The following TNFRSF8 variants were observed in gnomAD, a reference collection of about 807,000 sequenced individuals.
TNFRSF8 encodes the protein TNF receptor superfamily member 8, also known as tumor necrosis factor receptor superfamily member 8.
A neutral mutation model predicts 70.8 loss-of-function variants in TNFRSF8; 26 were observed. The ratio of observed to expected loss-of-function variants is 0.37; its 90% CI spans 0.27 to 0.51. The LOEUF is 0.51. Among genes scored for constraint, TNFRSF8 ranks in the 20% least tolerant of loss-of-function variants. TNFRSF8 has a pLI of 0.94. For synonymous variants in TNFRSF8, 356 were observed against 339.2 expected, an observed-to-expected ratio of 1.05 and a Z score of -0.54; for missense variants, 720 against 807.9, an observed-to-expected ratio of 0.89 and a Z score of 1.32.
At chr1:12,071,855 G>A (rs1474758585) in intron 1 of TNFRSF8, among the ~76,000 whole-genome samples, 2 of 151,908 alleles carry the variant, frequency 1.3e-5, no homozygotes, top group Non-Finnish European at 2.9e-5. Flanking sequence ...GTGCCACCAT[G>A]CCAGCTAATT....
intron 1 of TNFRSF8, among the ~76,000 whole-genome samples, chr1:12,079,955 T>A (rs1641034694): frequency 6.6e-6 from 1 of 151,282 alleles, no homozygotes; most frequent in East Asian, 1.9e-4. Context: ...CTCTATTTTT[T>A]TTTTTTTTTT....
intron 12 of TNFRSF8, among the ~76,000 whole-genome samples, chr1:12,134,643 G>C (rs1429327461): frequency 6.6e-6 from 1 of 152,186 alleles, no homozygotes; most frequent in African/African-American, 2.4e-5. Context: ...TGTCCTCCTC[G>C]AAGGCTGCCA....
At chr1:12,125,428 C>T (rs571876508) in intron 10 of TNFRSF8, among the ~76,000 whole-genome samples, 10 of 152,280 alleles carry the variant, frequency 6.6e-5, no homozygotes, top group South Asian at 6.2e-4. Context: ...AAGGTAGTGA[C>T]GGTGCCTAGG....
At chr1:12,093,851 C>T (rs1641285792) in intron 2 of TNFRSF8, among the ~76,000 whole-genome samples, 1 of 151,826 alleles carries the variant, frequency 6.6e-6, no homozygotes, top group South Asian at 2.1e-4. Context: ...CGGGACGGAT[C>T]ATGAGGTCAG....
At position 12,084,516 on chromosome 1, in the gene TNFRSF8, A is replaced by G. The variant is rs773056107; in HGVS notation, c.116A>G (p.Lys39Arg). ...GGAAACCCCAGCCACTACTATGACA[A>G]GGCTGTCAGGAGGTGCTGTTACCGC... ...CHGNPSHYYD[K>R]AVRRCCYRCP... Residue 39 changes from lysine to arginine, a missense_variant, in exon 2 of 15, where the codon AAG (lysine) becomes AGG (arginine). Transcript: ENST00000263932. 2 of 1,612,620 alleles carry G rather than the reference A, an allele frequency of 1.2e-6. No individual in the cohort carries two copies.
intron 2 of TNFRSF8, among the ~76,000 whole-genome samples, chr1:12,094,023 C>T (rs1241860290): frequency 2.1e-5 from 3 of 144,904 alleles, no homozygotes; most frequent in Non-Finnish European, 4.5e-5. Context: ...CCTGCCACTG[C>T]ACTCCAGCCT....
At chr1:12,132,503 T>C (rs980858922) in intron 12 of TNFRSF8, among the ~76,000 whole-genome samples, 3 of 152,158 alleles carry the variant, frequency 2.0e-5, no homozygotes, top group Admixed American at 6.5e-5. Flanking sequence ...GAGTTATGCA[T>C]TGGGGGAAGA....
chr1:12,071,411 C>T (rs1460269013), intron 1 of TNFRSF8, among the ~76,000 whole-genome samples: 1 of 152,152 alleles, frequency 6.6e-6, no homozygotes, highest in Non-Finnish European at 1.5e-5. Flanking sequence ...TGCACTCCAG[C>T]CTGGGTGACA....
At chr1:12,092,649 A>T (rs866115289) in intron 2 of TNFRSF8, among the ~76,000 whole-genome samples, 1 of 151,064 alleles carries the variant, frequency 6.6e-6, no homozygotes, top group Non-Finnish European at 1.5e-5. Context: ...CTGGGACTAC[A>T]GGCGCCCGCC....
At chr1:12,069,738 T>G (rs1242173361) in intron 1 of TNFRSF8, among the ~76,000 whole-genome samples, 1 of 152,238 alleles carries the variant, frequency 6.6e-6, no homozygotes, top group Non-Finnish European at 1.5e-5. Flanking sequence ...ATGCACCGCA[T>G]AGCAGGGTCT....
chr1:12,138,125 C>G lies in TNFRSF8; in HGVS notation c.1336-104C>G. On this transcript the variant is annotated intron_variant, in intron 13 of 14. Coordinates refer to ENST00000263932, the MANE Select transcript of TNFRSF8 (RefSeq NM_001243.5). The surrounding 1 kb of genome is among the most constrained non-coding windows in gnomAD (Gnocchi z 5.7). ...GCAGCTTTTAAAGCAGAAAGGGGGA[C>G]TCACTGGGGTCTGTAGAGATGAAAA... 2.5e-6 allele frequency: 3 copies of G among 1,185,234 alleles called. No homozygotes were observed. The highest frequency in any genetic ancestry group is 3.5e-6 in the Non-Finnish European group (3 of 851,722). 73.4% of individuals were successfully genotyped at this position (1,185,234 alleles called of 1,614,324 possible).
intron 2 of TNFRSF8, among the ~76,000 whole-genome samples, chr1:12,096,814 G>T (rs1641339459): frequency 6.6e-6 from 1 of 152,072 alleles, no homozygotes; most frequent in Non-Finnish European, 1.5e-5. Context: ...CACAAATAGT[G>T]CTGACAAGGT....
intron 8 of TNFRSF8, among the ~76,000 whole-genome samples, chr1:12,122,062 G>A (rs1355920203): frequency 6.6e-6 from 1 of 152,148 alleles, no homozygotes; most frequent in Non-Finnish European, 1.5e-5. Flanking sequence ...ATCTGGAGGT[G>A]GGGGCAGAGT....
intron 2 of TNFRSF8, among the ~76,000 whole-genome samples, chr1:12,087,434 C>T (rs1457830080): frequency 6.6e-6 from 1 of 152,188 alleles, no homozygotes; most frequent in East Asian, 1.9e-4. Flanking sequence ...TCATAAAGTG[C>T]TGGGATTACA....
At chr1:12,070,590 C>T (rs757151056) in intron 1 of TNFRSF8, among the ~76,000 whole-genome samples, 4 of 152,096 alleles carry the variant, frequency 2.6e-5, no homozygotes, top group Non-Finnish European at 4.4e-5. Context: ...CCTCCTATTG[C>T]TGGGATTACA....
rs1470245407 is a variant in TNFRSF8 at position 12,113,241 on chromosome 1, T to G, written c.793+1227T>G. 6.6e-6 allele frequency among the ~76,000 whole-genome samples: 1 copy of G among 152,218 alleles called. No individual in the cohort carries two copies. Among genetic ancestry groups the G allele is most frequent in the Admixed American group, 6.5e-5 (1 of 15,286 alleles). Reference sequence around the variant, plus strand: ...TTGATGTTGGCTCCTGGCTGCAGCCTTGGTTCCCTTCCATGTCGGCCTCTT... The same window carrying G: ...TTGATGTTGGCTCCTGGCTGCAGCCGTGGTTCCCTTCCATGTCGGCCTCTT... On this transcript the variant is annotated intron_variant, in intron 7 of 14. Coordinates refer to ENST00000263932, the MANE Select transcript of TNFRSF8 (RefSeq NM_001243.5). This position sits in a 1 kb window ranked among gnomAD's most constrained non-coding sequence, Gnocchi z 4.9.
intron 10 of TNFRSF8, 71 bp downstream of exon 10, chr1:12,123,898 G>T (rs2101026587): frequency 1.5e-6 from 2 of 1,342,566 alleles, no homozygotes; most frequent in Non-Finnish European, 2.1e-6. Context: ...GATTGGGGGA[G>T]CCAGGAGGGA....
In TNFRSF8 at chr1:12,110,301, G is replaced by C; in HGVS notation, c.676+97G>C. 1 of 1,292,588 alleles carries C rather than the reference G, an allele frequency of 7.7e-7. No homozygotes were observed. Among genetic ancestry groups the C allele is most frequent in the Non-Finnish European group, 1.0e-6 (1 of 962,660 alleles). 80.1% of individuals were successfully genotyped at this position (1,292,588 alleles called of 1,614,324 possible). A position where few individuals can be genotyped will look rare whatever the true frequency, so the allele number is the denominator to read the frequency against. On this transcript the variant is annotated intron_variant, in intron 6 of 14. Transcript: ENST00000263932. This position sits in a 1 kb window ranked among gnomAD's most constrained non-coding sequence, Gnocchi z 4.0. ...GTTTGGAGCAGGCGGGCAGTGATCT[G>C]TGGTCTTTTCCTGGTGGGGAGAGAA...
intron 3 of TNFRSF8, among the ~76,000 whole-genome samples, chr1:12,098,221 G>A (rs984566734): frequency 2.0e-5 from 3 of 152,052 alleles, no homozygotes; most frequent in African/African-American, 7.3e-5. Flanking sequence ...AGTAGCAAAG[G>A]TTAAAAAGAA....
Sources: gnomAD v4.1 joint callset for allele counts (sites outside exome capture counted in the v4.1 genomes callset) on GRCh38, gnomAD v4.1.1 for gene constraint, Gnocchi (gnomAD v3.1) non-coding constraint, MANE v1.5 for transcripts, NCBI Gene and HGNC (gene_info 2026-07-23, HGNC 2026-07-21) for gene names.